GEMIN5: variants seen among roughly 807,000 people sequenced by gnomAD.
GEMIN5 encodes the protein gem nuclear organelle associated protein 5, also known as gem-associated protein 5.
GEMIN5 carries 124 observed loss-of-function variants against 176.9 expected under a neutral mutation model. The ratio of observed to expected loss-of-function variants is 0.70; its 90% CI spans 0.61 to 0.81. The LOEUF is 0.81. Among genes scored for constraint, GEMIN5 ranks in the 40% least tolerant of loss-of-function variants. The pLI, the probability that GEMIN5 is intolerant of heterozygous loss-of-function variation, is 0.00. For missense variants in GEMIN5, 1,843 were observed against 1,814.6 expected (o/e 1.02, Z -0.28); for synonymous variants, 673 against 665.2 (o/e 1.01, Z -0.18).
intron 15 of GEMIN5, among the ~76,000 whole-genome samples, chr5:154,911,028 G>C (rs976917477): frequency 2.0e-5 from 3 of 152,246 alleles, no homozygotes; most frequent in South Asian, 2.1e-4. Flanking sequence ...AGTTGTCCCA[G>C]ATTTGGTCAG....
At chr5:154,931,335 T>C in intron 5 of GEMIN5, 123 bp downstream of exon 5, 1 of 987,912 alleles carries the variant, frequency 1.0e-6, no homozygotes, top group Non-Finnish European at 1.5e-6. Flanking sequence ...AGCAGAATTC[T>C]AGACCAAAAA....
chr5:154,910,025 T>C (rs546593527), intron 15 of GEMIN5, among the ~76,000 whole-genome samples: 1 of 151,904 alleles, frequency 6.6e-6, no homozygotes, highest in South Asian at 2.1e-4. Context: ...AGACAGTATG[T>C]AGTCTTTTGT....
chr5:154,888,018 T>G lies in GEMIN5; in HGVS notation c.*192A>C, dbSNP rs919165420. 2 of 573,602 alleles carry G rather than the reference T, an allele frequency of 3.5e-6. No individual in the cohort carries two copies. The highest frequency in any genetic ancestry group is 6.2e-6 in the Non-Finnish European group (2 of 324,470). The allele number at this position is 573,602 out of a possible 1,614,324, so 35.5% of individuals were successfully genotyped here. ...TCTTCCCTCCAGTAGGAGACCACAA[T>G]TGAGTCTAAAGTCAGATCCACCGTT... On this transcript the variant is annotated 3_prime_UTR_variant, in exon 28 of 28. Coordinates refer to ENST00000285873, the MANE Select transcript of GEMIN5 (RefSeq NM_015465.5).
chr5:154,921,215 G>T, intron 10 of GEMIN5, 128 bp downstream of exon 10: 1 of 626,650 alleles, frequency 1.6e-6, no homozygotes. Context: ...AACCCCTGGG[G>T]ACATAAGTAG....
chr5:154,898,819 AG>A (rs1170056555), intron 22 of GEMIN5, among the ~76,000 whole-genome samples, 169 bp from the exon 23 acceptor site: 1 of 152,174 alleles, frequency 6.6e-6, no homozygotes, highest in East Asian at 1.9e-4. Context: ...AACACAACTC[AG>A]CAGAGTGTAT....
Position 154,907,147 on chromosome 5 carries a change from C to T in GEMIN5, c.2395+444G>A, listed in dbSNP as rs538875758. ...TTTTCTGTGAGAAGACAGAAAGCCG[C>T]GTACAAACTCCACGTAAGGGGGTGA... On this transcript the variant is annotated intron_variant, in intron 16 of 27. Coordinates refer to ENST00000285873, the MANE Select transcript of GEMIN5 (RefSeq NM_015465.5). 1.5e-4 allele frequency among the ~76,000 whole-genome samples: 23 copies of T among 152,206 alleles called. No individual in the cohort carries two copies. The East Asian group carries it at 2.1e-3, about 14-fold the overall frequency.
chr5:154,899,313 A>G lies in GEMIN5; in HGVS notation c.3015-3T>C. The G allele has an allele frequency of 6.2e-7, 1 of 1,610,170 alleles. No homozygotes were observed. The highest frequency in any genetic ancestry group is 1.1e-5 in the South Asian group (1 of 89,996). Reference sequence around the variant, plus strand: ...CCTTGGCAATCGCAATAGCTTCCCTAAAGGCAAGAACAGACCCTTTAGCCA... The same window carrying G: ...CCTTGGCAATCGCAATAGCTTCCCTGAAGGCAAGAACAGACCCTTTAGCCA... On this transcript the variant is annotated splice_polypyrimidine_tract_variant and splice_region_variant and intron_variant, in intron 21 of 27. Coordinates refer to ENST00000285873, the MANE Select transcript of GEMIN5 (RefSeq NM_015465.5).
intron 25 of GEMIN5, among the ~76,000 whole-genome samples, chr5:154,892,146 T>C (rs1763243516): frequency 6.6e-6 from 1 of 152,240 alleles, no homozygotes; most frequent in African/African-American, 2.4e-5. Flanking sequence ...TACATTCCTA[T>C]TTCTCTCTCC....
At chr5:154,937,003 A>C (rs552501135) in intron 2 of GEMIN5, 22 bp downstream of exon 2, 1 of 1,594,024 alleles carries the variant, frequency 6.3e-7, no homozygotes, top group East Asian at 2.2e-5. Flanking sequence ...AAACGGTTTG[A>C]GAAACCAGTA....
At chr5:154,909,846 G>A (rs896236362) in intron 15 of GEMIN5, among the ~76,000 whole-genome samples, 1 of 152,090 alleles carries the variant, frequency 6.6e-6, no homozygotes, top group Non-Finnish European at 1.5e-5. Flanking sequence ...TGGGTGTGAG[G>A]CACGCACCTA....
chr5:154,903,762 G>T (rs532308149), intron 18 of GEMIN5, among the ~76,000 whole-genome samples: 1 of 151,876 alleles, frequency 6.6e-6, no homozygotes. Context: ...AGGGAGGATG[G>T]TCCTCCATTC....
At chr5:154,908,630 G>C (rs2113478061) in intron 15 of GEMIN5, among the ~76,000 whole-genome samples, 1 of 152,190 alleles carries the variant, frequency 6.6e-6, no homozygotes, top group East Asian at 1.9e-4. Context: ...AAGATTACAA[G>C]ACAGTTATTT....
At chr5:154,916,535 T>A (rs1763813835) in intron 13 of GEMIN5, among the ~76,000 whole-genome samples, 2 of 152,304 alleles carry the variant, frequency 1.3e-5, no homozygotes, top group Middle Eastern at 3.4e-3. Flanking sequence ...TAACCCAGGC[T>A]AGGGTGCAGT....
At position 154,938,121 on chromosome 5, in the gene GEMIN5, G is replaced by T; in HGVS notation, c.13C>A (p.Pro5Thr). MGQE[P>T]RTLPPSPNWY... ...TTGGGGGAGGGCGGCAGCGTCCGCGGCTCCTGCCCCATAACTACAAGCCGT... is the reference window on the plus strand; with the variant it reads ...TTGGGGGAGGGCGGCAGCGTCCGCGTCTCCTGCCCCATAACTACAAGCCGT... The change falls in exon 1 of 28, where the codon CCG becomes ACG. Residue 5 changes from proline (P) to threonine (T), a missense_variant. Coordinates refer to ENST00000285873, the MANE Select transcript of GEMIN5 (RefSeq NM_015465.5). 7.2e-7 allele frequency: 1 copy of T among 1,394,110 alleles called. No individual in the cohort carries two copies. The highest frequency in any genetic ancestry group is 9.3e-7 in the Non-Finnish European group (1 of 1,069,688). The allele number at this position is 1,394,110 out of a possible 1,614,324, so 86.4% of individuals were successfully genotyped here. A position where few individuals can be genotyped will look rare whatever the true frequency, so the allele number is the denominator to read the frequency against.
intron 9 of GEMIN5, among the ~76,000 whole-genome samples, chr5:154,923,312 G>A (rs771118637): frequency 6.6e-6 from 1 of 151,986 alleles, no homozygotes; most frequent in Non-Finnish European, 1.5e-5. Context: ...CCCAGAAGGC[G>A]AAGGTTTTGG....
chr5:154,891,428 G>C lies in GEMIN5; in HGVS notation c.4075C>G (p.Leu1359Val). 1 of 1,614,084 alleles carries C rather than the reference G, an allele frequency of 6.2e-7. No individual in the cohort carries two copies. The highest frequency in any genetic ancestry group is 8.5e-7 in the Non-Finnish European group (1 of 1,179,964). ...GERMLSTFKELFSEKHASLQN... is the reference protein window; with the variant it reads ...GERMLSTFKEVFSEKHASLQN... The stretch of plus-strand genomic sequence containing the variant: ...AGACTGGCATGCTTTTCTGAAAAGA[G>C]CTCCTTAAAAGTACTCAGCATTCGC... Residue 1359 changes from leucine (L) to valine (V), a missense_variant, in exon 26 of 28, where the codon CTC (leucine) becomes GTC (valine). Leu to Val is a conservative substitution (Grantham distance 32). Coordinates refer to ENST00000285873, the MANE Select transcript of GEMIN5 (RefSeq NM_015465.5).
At position 154,898,435 on chromosome 5, in the gene GEMIN5, C is replaced by A. The variant is rs2113462804; in HGVS notation, c.3345+5G>T. ...GTATACTAGGAGATGAAATAACAGA[C>A]TGACCTGTAGACTTTCATGCAGCTG... On this transcript the variant is annotated splice_donor_5th_base_variant and intron_variant, in intron 23 of 27. Transcript: ENST00000285873. 6.2e-7 allele frequency: 1 copy of A among 1,609,550 alleles called. No homozygotes were observed. Among genetic ancestry groups the A allele is most frequent in the South Asian group, 1.1e-5 (1 of 90,998 alleles).
At position 154,926,016 on chromosome 5, in the gene GEMIN5, C is replaced by T; in HGVS notation, c.1139G>A (p.Gly380Glu). 1 of 1,613,766 alleles carries T rather than the reference C, an allele frequency of 6.2e-7. No homozygotes were observed. Among genetic ancestry groups the T allele is most frequent in the South Asian group, 1.1e-5 (1 of 91,066 alleles). ...ECSWTLPSLG[G>E]FAYSLAFSSV... ...AGAGAAAGCCAGGCTGTATGCAAACCCACCAAGGGAAGGAAGGGTCCAGCT... is the reference window on the plus strand; with the variant it reads ...AGAGAAAGCCAGGCTGTATGCAAACTCACCAAGGGAAGGAAGGGTCCAGCT... Residue 380 changes from glycine to glutamate, a missense_variant, in exon 8 of 28, where the codon GGG (glycine) becomes GAG (glutamate). Coordinates refer to ENST00000285873, the MANE Select transcript of GEMIN5 (RefSeq NM_015465.5).
chr5:154,907,641 C>T lies in GEMIN5; in HGVS notation c.2345G>A (p.Gly782Glu), dbSNP rs1763596034. ...PVENGVSDQE[G>E]EEQAREPELP... is the part of the protein sequence containing the mutation. Reference sequence around the variant, plus strand: ...TTCCGGCTCCCGTGCTTGCTCCTCCCCTTCTTGGTCTGACACACCATTCTC... The same window carrying T: ...TTCCGGCTCCCGTGCTTGCTCCTCCTCTTCTTGGTCTGACACACCATTCTC... The change falls in exon 16 of 28, where the codon GGG becomes GAG. Residue 782 changes from glycine (G) to glutamate (E), a missense_variant. By Grantham distance (98) the Gly-to-Glu change is moderately conservative (BLOSUM62 -2). Coordinates refer to ENST00000285873, the MANE Select transcript of GEMIN5 (RefSeq NM_015465.5). 2.5e-6 allele frequency: 4 copies of T among 1,613,898 alleles called. No homozygotes were observed. The highest frequency in any genetic ancestry group is 3.3e-5 in the Admixed American group (2 of 59,978).
Sources: allele counts gnomAD v4.1 joint callset (sites outside exome capture counted in the v4.1 genomes callset), GRCh38; gene constraint gnomAD v4.1.1; transcripts MANE v1.5; gene names NCBI Gene and HGNC (gene_info 2026-07-23, HGNC 2026-07-21).